The following KIF26A variants were observed in gnomAD, a reference collection of about 807,000 sequenced individuals.
KIF26A encodes kinesin-like protein KIF26A.
In KIF26A, 74 loss-of-function variants were observed where a neutral mutation model predicts 126.0. The observed-to-expected ratio is 0.59, with a 90% CI of 0.49 to 0.71. KIF26A has a LOEUF of 0.71. Ranked by LOEUF, KIF26A falls within the 30% of genes least tolerant of loss-of-function variation. The pLI, the probability that KIF26A is intolerant of heterozygous loss-of-function variation, is 0.00. For synonymous variants in KIF26A, 1,445 were observed against 1,232.7 expected (o/e 1.17, Z -3.61); for missense variants, 2,984 against 2,763.3 (o/e 1.08, Z -1.79).
chr14:104,140,252 C>T (rs1049004378), intron 2 of KIF26A, among the ~76,000 whole-genome samples: 12 of 152,060 alleles, frequency 7.9e-5, no homozygotes, highest in Admixed American at 3.3e-4. Context: ...GGAGTCTCGG[C>T]GAGGGATAGG....
At chr14:104,178,508 G>A in intron 12 of KIF26A, 42 bp from the exon 13 acceptor site, 4 of 1,391,232 alleles carry the variant, frequency 2.9e-6, no homozygotes, top group Non-Finnish European at 3.8e-6. Context: ...GCTTGGGCTG[G>A]GCCCCGCCTC....
chr14:104,160,540 G>A (rs1437135970), intron 4 of KIF26A, among the ~76,000 whole-genome samples: 3 of 152,232 alleles, frequency 2.0e-5, no homozygotes, highest in African/African-American at 7.2e-5. Context: ...TGCAGGGATT[G>A]AGGCAGCGCA....
Position 104,152,058 on chromosome 14 carries a change from C to A in KIF26A, c.332C>A (p.Pro111His). Reference sequence around the variant, plus strand: ...CTGCTTCTCGACAAGCTACCAGCACCTGGGGCCCTGCCAGCCTGTCGCCCA... The same window carrying A: ...CTGCTTCTCGACAAGCTACCAGCACATGGGGCCCTGCCAGCCTGTCGCCCA... ...SALLLDKLPAPGALPACRPEA... is the reference protein window; with the variant it reads ...SALLLDKLPAHGALPACRPEA... The change falls in exon 3 of 15, where the codon CCT becomes CAT. Residue 111 changes from proline to histidine, a missense_variant. By Grantham distance (77) the Pro-to-His change is moderately conservative. Transcript: ENST00000423312. The surrounding 1 kb of genome is among the most constrained non-coding windows in gnomAD (Gnocchi z 5.9). The A allele has an allele frequency of 6.2e-7, 1 of 1,612,654 alleles. No individual in the cohort carries two copies. The highest frequency in any genetic ancestry group is 1.1e-5 in the South Asian group (1 of 91,080).
chr14:104,158,474 G>T (rs1038001192), intron 4 of KIF26A, among the ~76,000 whole-genome samples: 5 of 152,246 alleles, frequency 3.3e-5, no homozygotes, highest in African/African-American at 1.2e-4. Context: ...GGGGCAGCAG[G>T]GCTTGAGCGG....
At chr14:104,156,888 T>C (rs1024817159) in intron 3 of KIF26A, among the ~76,000 whole-genome samples, 1 of 152,154 alleles carries the variant, frequency 6.6e-6, no homozygotes, top group Non-Finnish European at 1.5e-5. Context: ...GACTGGACAC[T>C]TGGGGCCGAA....
At chr14:104,139,762 C>T (rs2037619970) in intron 2 of KIF26A, among the ~76,000 whole-genome samples, 2 of 152,196 alleles carry the variant, frequency 1.3e-5, no homozygotes, top group African/African-American at 4.8e-5. Context: ...GCCACAGCAG[C>T]TGGGGGGTCC....
At position 104,151,072 on chromosome 14, in the gene KIF26A, C is replaced by T. The variant is rs530637897; in HGVS notation, c.289-943C>T. Among the ~76,000 whole-genome samples, 1 of 152,296 alleles carries T rather than the reference C, an allele frequency of 6.6e-6. No individual in the cohort carries two copies. Among genetic ancestry groups the T allele is most frequent in the East Asian group, 1.9e-4 (1 of 5,184 alleles). ...GAGCCTGGTGGGGTGGTGAGGGACACGGGTGGGCCCCAGAGAGGAGTAAGC... is the reference window on the plus strand; with the variant it reads ...GAGCCTGGTGGGGTGGTGAGGGACATGGGTGGGCCCCAGAGAGGAGTAAGC... On this transcript the variant is annotated intron_variant, in intron 2 of 14. Transcript: ENST00000423312. The surrounding 1 kb of genome is among the most constrained non-coding windows in gnomAD (Gnocchi z 4.9).
chr14:104,171,843 C>T lies in KIF26A; in HGVS notation c.1234C>T (p.Pro412Ser), dbSNP rs201201891. Residue 412 changes from proline to serine, a missense_variant, in exon 6 of 15, where the codon CCC (proline) becomes TCC (serine). Physicochemically the swap from Pro to Ser is moderately conservative, Grantham distance 74. Transcript: ENST00000423312. ...GATCCTCTACGATCCCGCCGCCGGT[C>T]CCCCAGGCAGCGCAGGCCCCCGGCG... Reference protein sequence around the residue: ...QVILYDPAAGPPGSAGPRRAA... With the variant: ...QVILYDPAAGSPGSAGPRRAA... 3.3e-5 allele frequency: 52 copies of T among 1,556,596 alleles called. No individual in the cohort carries two copies. The African/African-American group carries it at 3.7e-4, about 11-fold the overall frequency.
chr14:104,177,879 C>G lies in KIF26A; in HGVS notation c.5091C>G (p.Ser1697=), dbSNP rs747333951. ...GCGCCCGCACCCGCAGCCTCAAGTC[C>G]CCCAAGAAGAGGGCCACAGGTGGGT... The part of the protein sequence containing the change: ...SPGARTRSLK[S]PKKRATGLQR... Residue 1697 remains serine (S), a synonymous_variant, in exon 12 of 15, where the codon TCC becomes TCG. Transcript: ENST00000423312. The G allele has an allele frequency of 2.6e-6, 4 of 1,543,458 alleles. No homozygotes were observed. The Admixed American group carries it at 7.5e-5, about 29-fold the overall frequency.
chr14:104,168,267 C>T (rs1361055075), intron 5 of KIF26A, among the ~76,000 whole-genome samples: 1 of 152,210 alleles, frequency 6.6e-6, no homozygotes, highest in African/African-American at 2.4e-5. Context: ...GCCACGCCCT[C>T]AGTGGTGCAG....
At chr14:104,167,952 G>A (rs2037922573) in intron 5 of KIF26A, among the ~76,000 whole-genome samples, 1 of 152,214 alleles carries the variant, frequency 6.6e-6, no homozygotes, top group Admixed American at 6.5e-5. Context: ...CAGCTCTCCA[G>A]GGGACAAGGT....
chr14:104,150,209 T>G (rs189463483), intron 2 of KIF26A, among the ~76,000 whole-genome samples: 1 of 79,420 alleles, frequency 1.3e-5, no homozygotes, highest in Non-Finnish European at 2.5e-5. Context: ...CCCCACCCCC[T>G]CCTCCTCCTC....
At chr14:104,158,695 T>TA (rs1286381547) in intron 4 of KIF26A, among the ~76,000 whole-genome samples, 4 of 151,642 alleles carry the variant, frequency 2.6e-5, no homozygotes, top group African/African-American at 4.8e-5. Flanking sequence ...TGCCGACTGG[T>TA]GGTGTGGATG....
intron 4 of KIF26A, among the ~76,000 whole-genome samples, chr14:104,163,104 G>T (rs563500332): frequency 1.3e-5 from 2 of 152,332 alleles, no homozygotes; most frequent in South Asian, 4.1e-4. Flanking sequence ...GGGGTGGGGG[G>T]TCTGGAACAG....
At chr14:104,172,716 C>T (rs2037972000) in intron 7 of KIF26A, 48 bp downstream of exon 7, 2 of 1,406,822 alleles carry the variant, frequency 1.4e-6, no homozygotes, top group Non-Finnish European at 2.0e-6. Flanking sequence ...GCCACCCCCT[C>T]CCATCCTCAT....
At position 104,173,541 on chromosome 14, in the gene KIF26A, C is replaced by T. The variant is rs1313019325; in HGVS notation, c.1867+28C>T. ...AGGTGCCACACCCGCACTCCCGGGCCCCTGTGGGATGCGTGTCAGCAGAGA... is the reference window on the plus strand; with the variant it reads ...AGGTGCCACACCCGCACTCCCGGGCTCCTGTGGGATGCGTGTCAGCAGAGA... On this transcript the variant is annotated intron_variant, in intron 9 of 14. Coordinates refer to ENST00000423312, the MANE Select transcript of KIF26A (RefSeq NM_015656.2). 5 of 1,523,476 alleles carry T rather than the reference C, an allele frequency of 3.3e-6. No individual in the cohort carries two copies. In the Admixed American group the frequency reaches 6.1e-5, roughly 18 times the overall value. The allele number at this position is 1,523,476 out of a possible 1,614,324, so 94.4% of individuals were successfully genotyped here. A position where few individuals can be genotyped will look rare whatever the true frequency, so the allele number is the denominator to read the frequency against.
intron 2 of KIF26A, among the ~76,000 whole-genome samples, chr14:104,146,014 G>C (rs1364858898): frequency 6.6e-6 from 1 of 152,242 alleles, no homozygotes; most frequent in Admixed American, 6.5e-5. Flanking sequence ...CCCAAGATGG[G>C]GCCAGCAGGG....
Position 104,176,378 on chromosome 14 carries a change from C to A in KIF26A, c.3590C>A (p.Ser1197Ter). ...GGCAGGGAGCCCCAGGCCGGGCCCTCGCGGTGGGCATCCGCAGCCCAGACC... is the reference window on the plus strand; with the variant it reads ...GGCAGGGAGCCCCAGGCCGGGCCCTAGCGGTGGGCATCCGCAGCCCAGACC... Reference protein sequence around the residue: ...RPGREPQAGPSRWASAAQTIH... With the variant: ...RPGREPQAGP Residue 1197 changes from serine (S) to a stop codon, truncating the protein, a stop_gained, in exon 12 of 15, where the codon TCG (serine) becomes TAG (stop). Transcript: ENST00000423312. LOFTEE classifies it high-confidence loss of function. 1 of 1,584,838 alleles carries A rather than the reference C, an allele frequency of 6.3e-7. No homozygotes were observed. The highest frequency in any genetic ancestry group is 1.1e-5 in the South Asian group (1 of 88,480).
At chr14:104,139,771 C>T (rs1196666820) in intron 2 of KIF26A, among the ~76,000 whole-genome samples, 22 of 152,208 alleles carry the variant, frequency 1.4e-4, no homozygotes, top group Admixed American at 1.4e-3. Flanking sequence ...GCTGGGGGGT[C>T]CCTGCCTACT....
Sources: allele counts gnomAD v4.1 joint callset (sites outside exome capture counted in the v4.1 genomes callset), GRCh38; gene constraint gnomAD v4.1.1; non-coding constraint Gnocchi (gnomAD v3.1); transcripts MANE v1.5; gene names NCBI Gene and HGNC (gene_info 2026-07-23, HGNC 2026-07-21).